Variants in BTBD1 observed in about 807,000 individuals in gnomAD.
BTBD1 encodes BTB/POZ domain-containing protein 1.
BTBD1 carries 34 observed loss-of-function variants against 48.0 expected under a neutral mutation model. That is an observed-to-expected ratio of 0.71 (90% confidence interval 0.54 to 0.94). BTBD1 has a LOEUF of 0.94. Ranked by LOEUF, BTBD1 falls within the 40% of genes least tolerant of loss-of-function variation. The pLI, the probability that BTBD1 is intolerant of heterozygous loss-of-function variation, is 0.00. For synonymous variants in BTBD1, 261 were observed against 242.1 expected, an observed-to-expected ratio of 1.08 and a Z score of -0.72; for missense variants, 543 against 625.6, an observed-to-expected ratio of 0.87 and a Z score of 1.41.
chr15:83,021,233 G>A (rs1167947248), intron 5 of BTBD1, among the ~76,000 whole-genome samples: 1 of 152,092 alleles, frequency 6.6e-6, no homozygotes, highest in Non-Finnish European at 1.5e-5. Context: ...GTCTAATGGA[G>A]GACACTGATA....
At chr15:83,060,125 T>C (rs1183991286) in intron 1 of BTBD1, among the ~76,000 whole-genome samples, 2 of 152,160 alleles carry the variant, frequency 1.3e-5, no homozygotes, top group Non-Finnish European at 2.9e-5. Context: ...ACACGTTAAT[T>C]GACTAGACAA....
chr15:83,054,563 C>CTTTTTTTTT (rs1178762435), intron 2 of BTBD1, among the ~76,000 whole-genome samples: 3 of 130,428 alleles, frequency 2.3e-5, no homozygotes, highest in Non-Finnish European at 3.2e-5. Flanking sequence ...AACATTTTTT[C>CTTTTTTTTT]TTTTTTTTTT....
At chr15:83,051,856 TTAA>T (rs1242547630) in intron 2 of BTBD1, among the ~76,000 whole-genome samples, 8 of 50,954 alleles carry the variant, frequency 1.6e-4, no homozygotes, top group Middle Eastern at 0.011. Context: ...GCCTCATTTA[TTAA>T]TTTTTTTTCC....
intron 5 of BTBD1, among the ~76,000 whole-genome samples, chr15:83,023,221 C>A (rs1453066218): frequency 6.6e-6 from 1 of 151,686 alleles, no homozygotes; most frequent in African/African-American, 2.4e-5. Context: ...TTAACTAATG[C>A]CTTGTTGGAT....
chr15:83,027,801 C>T lies in BTBD1; in HGVS notation c.1055+2335G>A, dbSNP rs374118415. Among the ~76,000 whole-genome samples the T allele has an allele frequency of 8.5e-5, 13 of 152,302 alleles. 1 individual carries two copies. The South Asian group carries it at 2.7e-3, about 32-fold the overall frequency. ...GAAAACGTAAGTGGCAGCAATGCTG[C>T]TCATGATATTTAAGACATAACACGC... On this transcript the variant is annotated intron_variant, in intron 5 of 7. Coordinates refer to ENST00000261721, the MANE Select transcript of BTBD1 (RefSeq NM_025238.4).
At chr15:83,054,170 T>A (rs547187091) in intron 2 of BTBD1, among the ~76,000 whole-genome samples, 1 of 151,994 alleles carries the variant, frequency 6.6e-6, no homozygotes, top group African/African-American at 2.4e-5. Flanking sequence ...GAAACCCCGT[T>A]CCTACCAAAA....
At chr15:83,063,916 T>C (rs929872370) in intron 1 of BTBD1, among the ~76,000 whole-genome samples, 1 of 152,248 alleles carries the variant, frequency 6.6e-6, no homozygotes, top group Admixed American at 6.5e-5. Context: ...GTATCTTTAG[T>C]TTCCCTTTAC....
At chr15:83,024,613 G>C (rs1191354622) in intron 5 of BTBD1, among the ~76,000 whole-genome samples, 1 of 152,112 alleles carries the variant, frequency 6.6e-6, no homozygotes, top group Non-Finnish European at 1.5e-5. Flanking sequence ...AATTTTCCCA[G>C]TGGTTAATCC....
chr15:83,051,307 CTCT>C (rs933554392), intron 2 of BTBD1, among the ~76,000 whole-genome samples: 4 of 152,036 alleles, frequency 2.6e-5, no homozygotes, highest in Admixed American at 2.6e-4. Flanking sequence ...ATGATGATGA[CTCT>C]TCATTTAATT....
rs1734366695 is a variant in BTBD1, at chr15:83,017,060, G to A, written c.*1007C>T. 6.6e-6 allele frequency: 1 copy of A among 152,588 alleles called. No homozygotes were observed. The highest frequency in any genetic ancestry group is 1.5e-5 in the Non-Finnish European group (1 of 68,026). The allele number at this position is 152,588 out of a possible 1,614,324, so 9.5% of individuals were successfully genotyped here. On this transcript the variant is annotated 3_prime_UTR_variant, in exon 8 of 8. Coordinates refer to ENST00000261721, the MANE Select transcript of BTBD1 (RefSeq NM_025238.4). The stretch of plus-strand genomic sequence containing the variant: ...TATACTTCCTATCCCCAACACAGCT[G>A]TAACACTGACTAATGGGGTCATGAC...
chr15:83,042,117 C>T (rs975845565), intron 3 of BTBD1, among the ~76,000 whole-genome samples, 192 bp from the exon 4 acceptor site: 4 of 151,806 alleles, frequency 2.6e-5, no homozygotes, highest in African/African-American at 9.7e-5. Context: ...CCATAAAAAT[C>T]AGTTTAACAA....
intron 5 of BTBD1, among the ~76,000 whole-genome samples, chr15:83,021,050 TC>T (rs1233358783): frequency 6.6e-6 from 1 of 152,214 alleles, no homozygotes; most frequent in Non-Finnish European, 1.5e-5. Flanking sequence ...TATTTGTACA[TC>T]TTTTTCATGA....
intron 1 of BTBD1, among the ~76,000 whole-genome samples, chr15:83,058,235 A>T (rs1482070538): frequency 1.3e-5 from 2 of 152,194 alleles, no homozygotes; most frequent in Non-Finnish European, 2.9e-5. Flanking sequence ...AAAGCTCTGG[A>T]TTCTGGGCTC....
rs1373982932 is a variant in BTBD1 at position 83,067,155 on chromosome 15, C to T, written c.-4G>A. The stretch of plus-strand genomic sequence containing the variant: ...CGGCAGGCCCGAGTGAGGCCATCCT[C>T]CAGCTGCGCGGTTGCCCACGTTATG... On this transcript the variant is annotated 5_prime_UTR_variant, in exon 1 of 8. Coordinates refer to ENST00000261721, the MANE Select transcript of BTBD1 (RefSeq NM_025238.4). 3.5e-6 allele frequency: 5 copies of T among 1,420,746 alleles called. No individual in the cohort carries two copies. The African/African-American group carries it at 4.5e-5, about 13-fold the overall frequency. The allele number at this position is 1,420,746 out of a possible 1,614,324, so 88.0% of individuals were successfully genotyped here. A position where few individuals can be genotyped will look rare whatever the true frequency, so the allele number is the denominator to read the frequency against.
intron 3 of BTBD1, 25 bp downstream of exon 3, chr15:83,050,048 A>G: frequency 4.1e-6 from 6 of 1,446,958 alleles, no homozygotes; most frequent in Non-Finnish European, 4.8e-6. Context: ...TTAAAATGTA[A>G]CAATTTACTT....
intron 5 of BTBD1, among the ~76,000 whole-genome samples, chr15:83,027,915 GC>G (rs1171365423): frequency 6.6e-6 from 1 of 152,130 alleles, no homozygotes; most frequent in Non-Finnish European, 1.5e-5. Context: ...GTGTTGTCCT[GC>G]CCAAAGTCTA....
intron 2 of BTBD1, among the ~76,000 whole-genome samples, chr15:83,056,089 T>C (rs2033076821): frequency 6.6e-6 from 1 of 150,756 alleles, no homozygotes. Flanking sequence ...TTTATATTTT[T>C]AGTAGAGACG....
chr15:83,019,378 A>G (rs2032240267), intron 6 of BTBD1, among the ~76,000 whole-genome samples: 1 of 150,282 alleles, frequency 6.7e-6, no homozygotes. Flanking sequence ...TTTTGTAGAG[A>G]TGGGATCGTG....
rs529642059 is a variant in BTBD1 at position 83,049,360 on chromosome 15, G to A, written c.664+713C>T. Among the ~76,000 whole-genome samples, 6 of 152,228 alleles carry A rather than the reference G, an allele frequency of 3.9e-5. No homozygotes were observed. In the East Asian group the frequency reaches 7.7e-4, roughly 20 times the overall value. On this transcript the variant is annotated intron_variant, in intron 3 of 7. Coordinates refer to ENST00000261721, the MANE Select transcript of BTBD1 (RefSeq NM_025238.4). ...GTAAACCCTACAGATCGTGGCCCCC[G>A]CCAGGCGTCCATTTTTTTCTTATCA...
Sources: allele counts gnomAD v4.1 joint callset (sites outside exome capture counted in the v4.1 genomes callset), GRCh38; gene constraint gnomAD v4.1.1; transcripts MANE v1.5; gene names NCBI Gene and HGNC (gene_info 2026-07-23, HGNC 2026-07-21).